TJP2: variants seen among roughly 807,000 people sequenced by gnomAD.
TJP2 encodes tight junction protein 2, also known as Friedreich ataxia region gene X104 (tight junction protein ZO-2).
Under a neutral mutation model 133.1 loss-of-function variants are expected in TJP2, and 91 were observed. The observed-to-expected ratio is 0.68, with a 90% CI of 0.58 to 0.81. The LOEUF (loss-of-function observed/expected upper bound fraction) is 0.81. Ranked by LOEUF, TJP2 falls within the 40% of genes least tolerant of loss-of-function variation. TJP2 has a pLI of 0.00. For synonymous variants in TJP2, 592 were observed against 583.4 expected, an observed-to-expected ratio of 1.01 and a Z score of -0.21; for missense variants, 1,541 against 1,565.6, an observed-to-expected ratio of 0.98 and a Z score of 0.26.
chr9:69,174,267 G>T (rs1824880782), upstream of TJP2: 1 of 1,529,300 alleles, frequency 6.5e-7, no homozygotes, highest in Admixed American at 2.0e-5. Context: ...CGGCGGTTGG[G>T]CTGCGGGTCA....
At chr9:69,226,348 A>G (rs1280185703) in intron 7 of TJP2, among the ~76,000 whole-genome samples, 173 bp downstream of exon 7, 2 of 152,212 alleles carry the variant, frequency 1.3e-5, no homozygotes, top group Non-Finnish European at 2.9e-5. Flanking sequence ...TAAAGTGCCT[A>G]TTGAAATTAG....
chr9:69,121,410 C>T, upstream of TJP2: 1 of 946,024 alleles, frequency 1.1e-6, no homozygotes, highest in Non-Finnish European at 1.3e-6. Context: ...CCGCTGCTCT[C>T]TGGCTCGCCA....
chr9:69,216,646 A>G (rs970094963), intron 3 of TJP2, among the ~76,000 whole-genome samples, 183 bp downstream of exon 3: 3 of 152,186 alleles, frequency 2.0e-5, no homozygotes, highest in Non-Finnish European at 4.4e-5. Flanking sequence ...TAATGCCCAA[A>G]CCTTGGGAAC....
upstream of TJP2, among the ~76,000 whole-genome samples, chr9:69,171,691 T>C (rs1258308827): frequency 2.0e-5 from 3 of 152,198 alleles, no homozygotes; most frequent in African/African-American, 7.2e-5. Flanking sequence ...TACTTGTTGA[T>C]TGTCTACTGC....
In TJP2 at chr9:69,128,337, C is replaced by T. The variant is rs1822342329; in HGVS notation, c.-131+6612C>T. 6.3e-5 allele frequency among the ~76,000 whole-genome samples: 2 copies of T among 31,674 alleles called. 1 individual carries two copies. Among genetic ancestry groups the T allele is most frequent in the Non-Finnish European group, 1.5e-4 (2 of 13,068 alleles). The allele number at this position is 31,674 out of a possible 152,430, so 20.8% of individuals were successfully genotyped here. A position where few individuals can be genotyped will look rare whatever the true frequency, so the allele number is the denominator to read the frequency against. ...TTTGCCATACTGTTTTTTAGAGTGG[C>T]CATATTCTTCTACAGTCCCATCAGC... On this transcript the variant is annotated intron_variant, in intron 1 of 5. Transcript: ENST00000423935.
chr9:69,252,980 C>A, intron 22 of TJP2, 80 bp downstream of exon 22: 1 of 1,360,364 alleles, frequency 7.4e-7, no homozygotes, highest in Non-Finnish European at 1.0e-6. Context: ...TTCCTTTACC[C>A]AAATTTCAGA....
intron 1 of TJP2, among the ~76,000 whole-genome samples, chr9:69,196,927 A>ATATGTGTGTGTGTG (rs1284482974): frequency 2.1e-5 from 3 of 144,050 alleles, no homozygotes; most frequent in African/African-American, 7.8e-5. Context: ...TTATATATAT[A>ATATGTGTGTGTGTG]TGTGTGTGTG....
intron 14 of TJP2, among the ~76,000 whole-genome samples, chr9:69,237,469 T>C (rs1360836402): frequency 1.3e-5 from 2 of 152,160 alleles, no homozygotes; most frequent in African/African-American, 4.8e-5. Flanking sequence ...AGTTCAAGAC[T>C]AGCCTGGGCA....
intron 1 of TJP2, chr9:69,205,433 T>C: frequency 7.7e-6 from 9 of 1,174,048 alleles, no homozygotes; most frequent in Non-Finnish European, 1.0e-5. Context: ...TTTTAGCAGA[T>C]CTATGTGAAA....
chr9:69,178,021 G>A (rs564618457), intron 1 of TJP2, among the ~76,000 whole-genome samples: 1 of 152,110 alleles, frequency 6.6e-6, no homozygotes, highest in South Asian at 2.1e-4. Flanking sequence ...TAACAGTGAC[G>A]GCTCCATTCT....
chr9:69,243,509 T>A (rs1830709959), intron 17 of TJP2, among the ~76,000 whole-genome samples: 1 of 152,244 alleles, frequency 6.6e-6, no homozygotes, highest in South Asian at 2.1e-4. Flanking sequence ...TACCAATTTT[T>A]AAAAATTTTC....
In TJP2 at chr9:69,229,434, G is replaced by A. The variant is rs73649628; in HGVS notation, c.1520+184G>A. On this transcript the variant is annotated intron_variant, in intron 10 of 22. Transcript: ENST00000377245. ...ATGATTTGTGGGAACAGCAAAATGC[G>A]GAAGTGGGTGAACTTTGTGATGTTA... Among the ~76,000 whole-genome samples, 987 of 152,176 alleles carry A rather than the reference G, an allele frequency of 6.5e-3. 20 individuals carry two copies. Among genetic ancestry groups the A allele is most frequent in the African/African-American group, 0.022 (930 of 41,546 alleles).
At chr9:69,134,750 A>T (rs1216015309) in intron 1 of TJP2, among the ~76,000 whole-genome samples, 4 of 151,844 alleles carry the variant, frequency 2.6e-5, no homozygotes. Flanking sequence ...ATGAAGTACC[A>T]ATGACTGGGT....
chr9:69,149,272 T>G (rs1022996411), intron 1 of TJP2, among the ~76,000 whole-genome samples: 1 of 152,180 alleles, frequency 6.6e-6, no homozygotes, highest in East Asian at 1.9e-4. Flanking sequence ...ATAAAAGAAA[T>G]AAGCTCTCCT....
At chr9:69,152,253 C>T (rs1313144903) in intron 2 of TJP2, among the ~76,000 whole-genome samples, 1 of 152,136 alleles carries the variant, frequency 6.6e-6, no homozygotes, top group East Asian at 1.9e-4. Context: ...AGTGAAAGAG[C>T]TAGGAGCGAG....
intron 5 of TJP2, among the ~76,000 whole-genome samples, chr9:69,225,051 C>A (rs1829229904): frequency 6.6e-6 from 1 of 152,190 alleles, no homozygotes; most frequent in Non-Finnish European, 1.5e-5. Context: ...CCACCCTCCA[C>A]TGGATCAGGG....
rs551710646 is a variant in TJP2, at chr9:69,248,779, G to A, written c.2880+555G>A. ...TGATTAGATAGCTTATGGGATCCTT[G>A]AAATCACATTGACAGGCACTGTAAA... On this transcript the variant is annotated intron_variant, in intron 19 of 22. Transcript: ENST00000377245. 3 of 994,388 alleles carry A rather than the reference G, an allele frequency of 3.0e-6. No individual in the cohort carries two copies. In the South Asian group the frequency reaches 1.4e-4, roughly 45 times the overall value. 61.6% of individuals were successfully genotyped at this position (994,388 alleles called of 1,614,324 possible).
At chr9:69,159,657 T>C (rs1243003413) in intron 2 of TJP2, among the ~76,000 whole-genome samples, 2 of 152,010 alleles carry the variant, frequency 1.3e-5, no homozygotes, top group Non-Finnish European at 2.9e-5. Context: ...GGTGGGCATA[T>C]CAAGAGGTCA....
chr9:69,155,920 G>C (rs1035302374), intron 2 of TJP2, among the ~76,000 whole-genome samples: 10 of 152,210 alleles, frequency 6.6e-5, no homozygotes, highest in African/African-American at 1.7e-4. Flanking sequence ...GTGCACTTAT[G>C]GGGGAAGAGA....
Sources: gnomAD v4.1 joint callset for allele counts (sites outside exome capture counted in the v4.1 genomes callset) on GRCh38, gnomAD v4.1.1 for gene constraint, MANE v1.5 for transcripts, NCBI Gene and HGNC (gene_info 2026-07-23, HGNC 2026-07-21) for gene names.